Variants in COPS2 observed in about 807,000 individuals in gnomAD.
COPS2 encodes COP9 signalosome subunit 2.
A neutral mutation model predicts 66.1 loss-of-function variants in COPS2; 10 were observed. The observed-to-expected ratio is 0.15, with a 90% CI of 0.09 to 0.26. The LOEUF (loss-of-function observed/expected upper bound fraction) is 0.26, where lower values mean the gene tolerates loss of function less well. Among genes scored for constraint, COPS2 ranks in the 10% least tolerant of loss-of-function variants. The pLI, the probability that COPS2 is intolerant of heterozygous loss-of-function variation, is 1.00. For missense variants in COPS2, 215 were observed against 513.3 expected (o/e 0.42, Z 5.62); for synonymous variants, 179 against 171.3 (o/e 1.04, Z -0.35).
intron 3 of COPS2, among the ~76,000 whole-genome samples, chr15:49,142,783 C>G (rs868275713): frequency 6.6e-5 from 10 of 152,080 alleles, no homozygotes; most frequent in African/African-American, 2.2e-4. Context: ...TGTCATAATT[C>G]CAGTTTCTCT....
intron 9 of COPS2, among the ~76,000 whole-genome samples, chr15:49,131,873 C>A (rs1161467148): frequency 1.3e-5 from 2 of 152,048 alleles, no homozygotes; most frequent in Non-Finnish European, 2.9e-5. Flanking sequence ...TTGTGGGACA[C>A]CATGCATCAC....
Position 49,128,661 on chromosome 15 carries a change from G to A in COPS2, c.1187+41C>T, listed in dbSNP as rs1365242858. Reference sequence around the variant, plus strand: ...TTTGTCACTATTATTCAAAACTTACGGTACCAAATATTTTGTGATAAAAAA... The same window carrying A: ...TTTGTCACTATTATTCAAAACTTACAGTACCAAATATTTTGTGATAAAAAA... On this transcript the variant is annotated intron_variant, in intron 12 of 12. Transcript: ENST00000388901. 3.4e-5 allele frequency: 48 copies of A among 1,392,206 alleles called. No homozygotes were observed. The East Asian group carries it at 6.3e-4, about 18-fold the overall frequency. The allele number at this position is 1,392,206 out of a possible 1,614,324, so 86.2% of individuals were successfully genotyped here. A position where few individuals can be genotyped will look rare whatever the true frequency, so the allele number is the denominator to read the frequency against.
chr15:49,153,455 A>G (rs1339551214), intron 1 of COPS2, among the ~76,000 whole-genome samples: 1 of 152,216 alleles, frequency 6.6e-6, no homozygotes, highest in Non-Finnish European at 1.5e-5. Flanking sequence ...TACACTTTTG[A>G]TGGAGATGTA....
chr15:49,129,521 A>G lies in COPS2; in HGVS notation c.1084T>C (p.Leu362=), dbSNP rs1184771773. The G allele has an allele frequency of 3.3e-6, 5 of 1,512,560 alleles. No homozygotes were observed. Among genetic ancestry groups the G allele is most frequent in the Non-Finnish European group, 3.6e-6 (4 of 1,125,494 alleles). 93.7% of individuals were successfully genotyped at this position (1,512,560 alleles called of 1,614,324 possible). A position where few individuals can be genotyped will look rare whatever the true frequency, so the allele number is the denominator to read the frequency against. The change falls in exon 11 of 13, where the codon TTA becomes CTA. Residue 362 remains leucine, a synonymous_variant. Transcript: ENST00000388901. The stretch of plus-strand genomic sequence containing the variant: ...TGTATTCTTGTGTAAGGCTTAATTA[A>G]TTTTATAAGCACTTGTGTTCTGATG... ...RNIRTQVLIK[L]IKPYTRIHIP... is the part of the protein sequence containing the mutation.
chr15:49,149,862 C>G (rs1017686738), intron 1 of COPS2, among the ~76,000 whole-genome samples: 1 of 152,150 alleles, frequency 6.6e-6, no homozygotes, highest in Admixed American at 6.6e-5. Context: ...TCCTTAAAAA[C>G]CAGACACGAT....
intron 3 of COPS2, among the ~76,000 whole-genome samples, chr15:49,140,017 C>T (rs2084280632): frequency 6.6e-6 from 1 of 152,008 alleles, no homozygotes; most frequent in South Asian, 2.1e-4. Context: ...GACAGAGTTT[C>T]ACTCTTGTTG....
chr15:49,123,744 TAAC>T lies in COPS2; in HGVS notation c.*4203_*4205del, dbSNP rs902807417. 3.9e-5 allele frequency: 6 copies of T among 152,242 alleles called. No homozygotes were observed. Among genetic ancestry groups the T allele is most frequent in the African/African-American group, 1.4e-4 (6 of 41,468 alleles). The allele number at this position is 152,242 out of a possible 1,614,324, so 9.4% of individuals were successfully genotyped here. A position where few individuals can be genotyped will look rare whatever the true frequency, so the allele number is the denominator to read the frequency against. ...TATACCTTTGATGCCGTAATATTTTTAACTACTACAGGTAGTTTAGATATTATT... is the reference window on the plus strand; with the variant it reads ...TATACCTTTGATGCCGTAATATTTTTTACTACAGGTAGTTTAGATATTATT... On this transcript the variant is annotated 3_prime_UTR_variant, in exon 13 of 13. Transcript: ENST00000388901.
At chr15:49,134,856 A>G (rs1166544587) in intron 6 of COPS2, among the ~76,000 whole-genome samples, 2 of 151,714 alleles carry the variant, frequency 1.3e-5, no homozygotes, top group Non-Finnish European at 2.9e-5. Flanking sequence ...CTCGTTTAAC[A>G]CTGTCGATAG....
intron 6 of COPS2, among the ~76,000 whole-genome samples, chr15:49,136,513 T>C (rs1011222949): frequency 6.6e-6 from 1 of 152,190 alleles, no homozygotes; most frequent in African/African-American, 2.4e-5. Flanking sequence ...CAGTATCACT[T>C]GAAGTTCTGT....
Position 49,127,891 on chromosome 15 carries a change from T to G in COPS2, c.*59A>C. 1 of 1,535,318 alleles carries G rather than the reference T, an allele frequency of 6.5e-7. No homozygotes were observed. On this transcript the variant is annotated 3_prime_UTR_variant, in exon 13 of 13. Coordinates refer to ENST00000388901, the MANE Select transcript of COPS2 (RefSeq NM_004236.4). ...CAGTAGTTTTGCCATTCCCAGTTCT[T>G]TTAAGGATTACATCTCTGCACTGTT...
chr15:49,145,101 T>C, intron 1 of COPS2, 23 bp from the exon 2 acceptor site: 2 of 1,304,806 alleles, frequency 1.5e-6, no homozygotes, highest in Non-Finnish European at 1.1e-6. Context: ...GAAAGAAATA[T>C]TAAAAGAAAA....
intron 1 of COPS2, among the ~76,000 whole-genome samples, chr15:49,150,047 C>A (rs990784487): frequency 1.3e-5 from 2 of 152,042 alleles, no homozygotes; most frequent in Non-Finnish European, 2.9e-5. Context: ...GTAATCCCAG[C>A]ACTTTGGGAG....
rs986269842 is a variant in COPS2, at chr15:49,128,885, C to T, written c.1129-125G>A. The T allele has an allele frequency of 2.1e-5, 13 of 619,220 alleles. No homozygotes were observed. The African/African-American group carries it at 2.5e-4, about 12-fold the overall frequency. 38.4% of individuals were successfully genotyped at this position (619,220 alleles called of 1,614,324 possible). ...AATTAGTGAAGAGAAGATTTTTAAA[C>T]ATATTTCATTATCACTTCAAAATAT... On this transcript the variant is annotated intron_variant, in intron 11 of 12. Transcript: ENST00000388901.
At chr15:49,142,173 A>C (rs184878151) in intron 3 of COPS2, among the ~76,000 whole-genome samples, 3 of 152,362 alleles carry the variant, frequency 2.0e-5, no homozygotes, top group Admixed American at 1.3e-4. Context: ...ATGTTTTGAG[A>C]GTATCAAAGC....
chr15:49,123,124 T>C lies in COPS2; in HGVS notation c.*4826A>G, dbSNP rs894080087. 6.6e-6 allele frequency: 1 copy of C among 152,188 alleles called. No individual in the cohort carries two copies. The highest frequency in any genetic ancestry group is 6.6e-5 in the Admixed American group (1 of 15,264). The allele number at this position is 152,188 out of a possible 1,614,324, so 9.4% of individuals were successfully genotyped here. On this transcript the variant is annotated 3_prime_UTR_variant, in exon 13 of 13. Coordinates refer to ENST00000388901, the MANE Select transcript of COPS2 (RefSeq NM_004236.4). ...ATAGATGCATAAAAATTTATTACTG[T>C]CGTAAACAGTAAGGGATAGGCAAAC...
At chr15:49,145,798 TA>T (rs1023612839) in intron 1 of COPS2, among the ~76,000 whole-genome samples, 1 of 152,072 alleles carries the variant, frequency 6.6e-6, no homozygotes, top group Non-Finnish European at 1.5e-5. Context: ...TGGAGCAGTA[TA>T]AACAAGAGTG....
chr15:49,130,841 T>A (rs1461485933), intron 9 of COPS2, 25 bp from the exon 10 acceptor site: 2 of 1,264,946 alleles, frequency 1.6e-6, no homozygotes, highest in Admixed American at 1.7e-5. Context: ...AAGTGTAAAT[T>A]ATGTCAAACA....
At chr15:49,138,579 A>G (rs2084269456) in intron 4 of COPS2, among the ~76,000 whole-genome samples, 1 of 152,220 alleles carries the variant, frequency 6.6e-6, no homozygotes, top group African/African-American at 2.4e-5. Context: ...CCACTTTAGG[A>G]AAGCTCCATG....
intron 9 of COPS2, among the ~76,000 whole-genome samples, chr15:49,133,149 C>T (rs553242105): frequency 2.6e-4 from 40 of 152,178 alleles, no homozygotes; most frequent in Middle Eastern, 3.4e-3. Flanking sequence ...CCACCACGCC[C>T]GGCTAATTTT....
Sources: allele counts gnomAD v4.1 joint callset (sites outside exome capture counted in the v4.1 genomes callset), GRCh38; gene constraint gnomAD v4.1.1; transcripts MANE v1.5; gene names NCBI Gene and HGNC (gene_info 2026-07-23, HGNC 2026-07-21).